The following SLC4A7 variants were observed in gnomAD, a reference collection of about 807,000 sequenced individuals.
SLC4A7 encodes sodium bicarbonate cotransporter 3.
SLC4A7 carries 51 observed loss-of-function variants against 137.6 expected under a neutral mutation model. The ratio of observed to expected loss-of-function variants is 0.37; its 90% CI spans 0.30 to 0.47. The LOEUF is 0.47. Ranked by LOEUF, SLC4A7 falls within the 20% of genes least tolerant of loss-of-function variation. The pLI is 1.00. For missense variants in SLC4A7, 1,247 were observed against 1,525.4 expected (o/e 0.82, Z 3.04); for synonymous variants, 542 against 518.6 (o/e 1.05, Z -0.61).
chr3:27,472,553 T>A (rs1437398293), intron 1 of SLC4A7, among the ~76,000 whole-genome samples: 1 of 152,224 alleles, frequency 6.6e-6, no homozygotes, highest in Non-Finnish European at 1.5e-5. Flanking sequence ...ATAAAGTGTA[T>A]AATTTGCATT....
intron 3 of SLC4A7, among the ~76,000 whole-genome samples, chr3:27,440,995 A>C (rs2057147838): frequency 6.6e-6 from 1 of 152,230 alleles, no homozygotes; most frequent in South Asian, 2.1e-4. Flanking sequence ...CAGTGAGCCA[A>C]GATCGCATCA....
At chr3:27,402,366 A>G (rs2052848172) in intron 15 of SLC4A7, among the ~76,000 whole-genome samples, 1 of 152,176 alleles carries the variant, frequency 6.6e-6, no homozygotes, top group African/African-American at 2.4e-5. Flanking sequence ...ATCAAAACGA[A>G]AACACATATT....
rs767537034 is a variant in SLC4A7 at position 27,474,009 on chromosome 3, G to A, written c.60+10058C>T. 7.9e-5 allele frequency among the ~76,000 whole-genome samples: 12 copies of A among 152,016 alleles called. 1 individual carries two copies. The South Asian group carries it at 1.0e-3, about 13-fold the overall frequency. On this transcript the variant is annotated intron_variant, in intron 1 of 25. Transcript: ENST00000454389. ...CCTTTATAAAGTATAATTTATTATC[G>A]TCCTGCCTCAACAGAATAACAACTA... is the stretch of plus-strand genomic sequence containing the variant.
chr3:27,476,827 T>A (rs999244491), intron 1 of SLC4A7, among the ~76,000 whole-genome samples: 3 of 152,198 alleles, frequency 2.0e-5, no homozygotes, highest in African/African-American at 7.2e-5. Context: ...AATTACCCAG[T>A]CTCAGGTAGT....
intron 18 of SLC4A7, among the ~76,000 whole-genome samples, chr3:27,396,505 A>G (rs885001): frequency 0.15 from 23,337 of 152,058 alleles, 1,961 homozygotes; most frequent in African/African-American, 0.24. Context: ...CTAAAGTTTA[A>G]TATTTTCATA....
intron 24 of SLC4A7, among the ~76,000 whole-genome samples, chr3:27,382,513 A>G (rs767215976): frequency 1.3e-5 from 2 of 152,216 alleles, no homozygotes; most frequent in Admixed American, 6.5e-5. Context: ...TAAAACTACA[A>G]AAGTCTGCAT....
intron 1 of SLC4A7, among the ~76,000 whole-genome samples, chr3:27,453,671 T>A (rs893955414): frequency 6.6e-6 from 1 of 152,194 alleles, no homozygotes; most frequent in African/African-American, 2.4e-5. Context: ...ACCCTCGGTG[T>A]CCAAATTCTC....
Position 27,411,679 on chromosome 3 carries a change from C to T in SLC4A7, c.1729G>A (p.Ala577Thr), listed in dbSNP as rs534429205. The change falls in exon 12 of 26, where the codon GCT (alanine) becomes ACT (threonine). Residue 577 changes from alanine to threonine, a missense_variant. Transcript: ENST00000454389. ...PTLGETPKEA[A>T]HHAGPELQRT... is the part of the protein sequence containing the mutation. ...TGTAGCTCAGGCCCAGCATGATGAGCGGCCTCTTTAGGAGTCTCACCCAGT... is the reference window on the plus strand; with the variant it reads ...TGTAGCTCAGGCCCAGCATGATGAGTGGCCTCTTTAGGAGTCTCACCCAGT... The T allele has an allele frequency of 1.9e-5, 30 of 1,564,034 alleles. No homozygotes were observed. Among genetic ancestry groups the T allele is most frequent in the African/African-American group, 1.1e-4 (8 of 72,860 alleles).
intron 21 of SLC4A7, among the ~76,000 whole-genome samples, chr3:27,391,225 C>A (rs1362064766): frequency 6.6e-6 from 1 of 152,162 alleles, no homozygotes; most frequent in Non-Finnish European, 1.5e-5. Context: ...AAACCACTGG[C>A]TTAGCTAATA....
chr3:27,389,055 T>C (rs932960132), intron 22 of SLC4A7, among the ~76,000 whole-genome samples: 7 of 152,128 alleles, frequency 4.6e-5, no homozygotes, highest in African/African-American at 1.4e-4. Flanking sequence ...TCTCATTTTC[T>C]TCTTTACATG....
intron 1 of SLC4A7, among the ~76,000 whole-genome samples, chr3:27,475,443 T>C (rs181460755): frequency 2.0e-5 from 3 of 151,852 alleles, no homozygotes; most frequent in East Asian, 1.9e-4. Flanking sequence ...ATATTAGAAA[T>C]AGGGAACCCA....
chr3:27,405,471 T>C (rs1243976855), intron 13 of SLC4A7, among the ~76,000 whole-genome samples: 1 of 152,208 alleles, frequency 6.6e-6, no homozygotes, highest in Non-Finnish European at 1.5e-5. Context: ...CAACTTTATC[T>C]ATATATGTTT....
intron 3 of SLC4A7, among the ~76,000 whole-genome samples, chr3:27,442,555 GA>G (rs987645801): frequency 6.6e-6 from 1 of 151,800 alleles, no homozygotes; most frequent in African/African-American, 2.4e-5. Flanking sequence ...CCTCAGCTGG[GA>G]TAACAGGCAT....
chr3:27,391,596 A>T (rs1412267590), intron 21 of SLC4A7, 144 bp downstream of exon 21: 2 of 597,112 alleles, frequency 3.3e-6, no homozygotes, highest in East Asian at 5.8e-5. Flanking sequence ...ATCACTTGGC[A>T]AATGTCTGAA....
In SLC4A7 at chr3:27,402,437, C is replaced by T. The variant is rs140115471; in HGVS notation, c.2321+702G>A. ...AGCTTCAGCCGGGCACAGTGGCTCA[C>T]GCCTGTAATCCCAGCACTTTGGGAG... On this transcript the variant is annotated intron_variant, in intron 15 of 25. Transcript: ENST00000454389. Among the ~76,000 whole-genome samples the T allele has an allele frequency of 5.3e-5, 8 of 152,204 alleles. No homozygotes were observed. In the East Asian group the frequency reaches 1.2e-3, roughly 22 times the overall value.
At chr3:27,425,468 G>C (rs994465709) in intron 7 of SLC4A7, among the ~76,000 whole-genome samples, 1 of 150,426 alleles carries the variant, frequency 6.6e-6, no homozygotes, top group Non-Finnish European at 1.5e-5. Flanking sequence ...CCTGAGGCTG[G>C]GAGTTCGAGA....
rs41308261 is a variant in SLC4A7, at chr3:27,373,755, G to A, written c.*3009C>T. On this transcript the variant is annotated 3_prime_UTR_variant, in exon 26 of 26. Transcript: ENST00000454389. ...TATTATACCCACACAGAAAATTTAA[G>A]TACGTGGAAGAAATAAACTTTTTTG... 2.2e-3 allele frequency: 338 copies of A among 152,626 alleles called. 1 individual carries two copies. Among genetic ancestry groups the A allele is most frequent in the Non-Finnish European group, 4.0e-3 (270 of 67,950 alleles). 9.5% of individuals were successfully genotyped at this position (152,626 alleles called of 1,614,324 possible).
intron 7 of SLC4A7, among the ~76,000 whole-genome samples, chr3:27,424,740 A>G (rs532950769): frequency 2.6e-5 from 4 of 152,238 alleles, no homozygotes; most frequent in Non-Finnish European, 5.9e-5. Context: ...TTAAAATATA[A>G]CAAGCAAGTT....
At chr3:27,418,356 A>G in intron 11 of SLC4A7, 130 bp downstream of exon 11, 1 of 676,556 alleles carries the variant, frequency 1.5e-6, no homozygotes. Context: ...GGAGGTAAGT[A>G]TGGGGGTAAG....
Sources: gnomAD v4.1 joint callset for allele counts (sites outside exome capture counted in the v4.1 genomes callset) on GRCh38, gnomAD v4.1.1 for gene constraint, MANE v1.5 for transcripts, NCBI Gene and HGNC (gene_info 2026-07-23, HGNC 2026-07-21) for gene names.